Variants in PTCD1 observed in about 807,000 individuals in gnomAD.
PTCD1 encodes the protein pentatricopeptide repeat domain 1.
In PTCD1, 50 loss-of-function variants were observed where a neutral mutation model predicts 53.4. The ratio of observed to expected loss-of-function variants is 0.94; its 90% CI spans 0.75 to 1.19. The LOEUF (loss-of-function observed/expected upper bound fraction) is 1.19. Ranked by LOEUF, PTCD1 falls within the 50% of genes most tolerant of loss-of-function variation. The probability of loss-of-function intolerance (pLI) is 0.00; values close to 1 mark genes in which losing one functional copy is unlikely to be tolerated. For synonymous variants in PTCD1, 413 were observed against 394.8 expected, an observed-to-expected ratio of 1.05 and a Z score of -0.55; for missense variants, 918 against 904.8, an observed-to-expected ratio of 1.01 and a Z score of -0.19.
At chr7:99,432,635 G>C (rs979372162) in intron 3 of PTCD1, among the ~76,000 whole-genome samples, 1 of 152,202 alleles carries the variant, frequency 6.6e-6, no homozygotes, top group African/African-American at 2.4e-5. Flanking sequence ...GGGATGCTGA[G>C]CGTATGCTGA....
At chr7:99,436,483 C>A (rs555649992) in intron 1 of PTCD1, among the ~76,000 whole-genome samples, 2 of 152,228 alleles carry the variant, frequency 1.3e-5, no homozygotes, top group South Asian at 2.1e-4. Flanking sequence ...GGCGTGACAG[C>A]GTGCCCCTGT....
intron 1 of PTCD1, among the ~76,000 whole-genome samples, chr7:99,437,129 G>T (rs1198481190): frequency 6.6e-6 from 1 of 152,224 alleles, no homozygotes; most frequent in South Asian, 2.1e-4. Flanking sequence ...GCCTCCCAAA[G>T]TGTTGGGATT....
At chr7:99,428,990 G>T in intron 5 of PTCD1, 113 bp downstream of exon 5, 1 of 1,289,186 alleles carries the variant, frequency 7.8e-7, no homozygotes, top group Non-Finnish European at 1.1e-6. Flanking sequence ...TCAGAAAAGA[G>T]CACAGATATA....
chr7:99,434,777 A>G lies in PTCD1; in HGVS notation c.453+13T>C. The G allele has an allele frequency of 6.2e-7, 1 of 1,613,676 alleles. No individual in the cohort carries two copies. The highest frequency in any genetic ancestry group is 8.5e-7 in the Non-Finnish European group (1 of 1,179,986). On this transcript the variant is annotated intron_variant, in intron 2 of 7. Coordinates refer to ENST00000292478, the MANE Select transcript of PTCD1 (RefSeq NM_015545.4). ...AAGAAGCCAGGAGCCACAGAACCCA[A>G]AGTGCCCCTTACCTTCCCTTCCTTG...
chr7:99,425,286 T>A lies in PTCD1; in HGVS notation c.1246A>T (p.Thr416Ser). The A allele has an allele frequency of 6.2e-7, 1 of 1,614,054 alleles. No homozygotes were observed. Among genetic ancestry groups the A allele is most frequent in the Non-Finnish European group, 8.5e-7 (1 of 1,179,968 alleles). Reference protein sequence around the residue: ...VPGKAQPEVDTKAEPSHTAAL... With the variant: ...VPGKAQPEVDSKAEPSHTAAL... Reference sequence around the variant, plus strand: ...GCTGTGTGGCTGGGCTCTGCCTTAGTATCCACCTCTGGTTGGGCCTTGCCG... The same window carrying A: ...GCTGTGTGGCTGGGCTCTGCCTTAGAATCCACCTCTGGTTGGGCCTTGCCG... Residue 416 changes from threonine to serine, a missense_variant, in exon 6 of 8, where the codon ACT becomes TCT. Transcript: ENST00000292478.
chr7:99,438,752 A>C lies in PTCD1; in HGVS notation c.-87T>G. 7.5e-7 allele frequency: 1 copy of C among 1,325,906 alleles called. No homozygotes were observed. The allele number at this position is 1,325,906 out of a possible 1,614,324, so 82.1% of individuals were successfully genotyped here. ...CCCTGCCCGGTCCCCGCGGCGAACC[A>C]GTCTCTTCCTCGGGTCCCCCTCTCC... On this transcript the variant is annotated 5_prime_UTR_variant, in exon 1 of 8. Transcript: ENST00000292478.
chr7:99,432,841 G>A (rs1796315336), intron 3 of PTCD1: 1 of 246,706 alleles, frequency 4.1e-6, no homozygotes. Context: ...GGATGGCCAG[G>A]GGTTAGAGAC....
chr7:99,425,530 T>C lies in PTCD1; in HGVS notation c.1002A>G (p.Leu334=), dbSNP rs2150950391. 6.2e-7 allele frequency: 1 copy of C among 1,612,570 alleles called. No individual in the cohort carries two copies. The highest frequency in any genetic ancestry group is 2.2e-5 in the East Asian group (1 of 44,856). The change falls in exon 6 of 8, where the codon CTA becomes CTG. Residue 334 remains leucine (L), a synonymous_variant. Transcript: ENST00000292478. ...GCTCTGAGGCCACCTGGGGGTCCCC[T>C]AGGCCACAGTCCCGAGCTGCCACCA... ...LLLVAARDCG[L]GDPQVASELL...
At position 99,417,868 on chromosome 7, in the gene PTCD1, C is replaced by T. The variant is rs1795593123; in HGVS notation, c.*2099G>A. ...TCACTTAGGAAATGGTGGTGGGGAGCCCTAATCCCAAGGTGGTGGCAGGGT... is the reference window on the plus strand; with the variant it reads ...TCACTTAGGAAATGGTGGTGGGGAGTCCTAATCCCAAGGTGGTGGCAGGGT... On this transcript the variant is annotated 3_prime_UTR_variant, in exon 8 of 8. Coordinates refer to ENST00000292478, the MANE Select transcript of PTCD1 (RefSeq NM_015545.4). 7.2e-7 allele frequency: 1 copy of T among 1,388,062 alleles called. No individual in the cohort carries two copies. The allele number at this position is 1,388,062 out of a possible 1,614,324, so 86.0% of individuals were successfully genotyped here.
Position 99,429,093 on chromosome 7 carries a change from A to C in PTCD1, c.915+10T>G, listed in dbSNP as rs1278406346. ...AAGCAGGGCAGGAAGGTGGGGTGGG[A>C]GGGACATACCTGGAGGGCGTACCGG... On this transcript the variant is annotated intron_variant, in intron 5 of 7. Coordinates refer to ENST00000292478, the MANE Select transcript of PTCD1 (RefSeq NM_015545.4). The C allele has an allele frequency of 3.7e-6, 6 of 1,614,018 alleles. No individual in the cohort carries two copies. Among genetic ancestry groups the C allele is most frequent in the Non-Finnish European group, 5.1e-6 (6 of 1,179,944 alleles).
chr7:99,420,163 AGT>A lies in PTCD1; in HGVS notation c.1921-16_1921-15del. On this transcript the variant is annotated splice_polypyrimidine_tract_variant and intron_variant, in intron 7 of 7. Coordinates refer to ENST00000292478, the MANE Select transcript of PTCD1 (RefSeq NM_015545.4). ...CTTCCCTTGGTACTAGAATTAGAAA[AGT>A]GAGGCTAGAATCACTCCTGTTACCT... 1 of 1,614,042 alleles carries A rather than the reference AGT, an allele frequency of 6.2e-7. No homozygotes were observed. The highest frequency in any genetic ancestry group is 1.3e-5 in the African/African-American group (1 of 75,052).
Position 99,435,164 on chromosome 7 carries a change from AGGG to A in PTCD1, c.76_78del (p.Pro26del). On this transcript the variant is annotated inframe_deletion, in exon 2 of 8. Coordinates refer to ENST00000292478, the MANE Select transcript of PTCD1 (RefSeq NM_015545.4). Reference sequence around the variant, plus strand: ...CTGCCTCCTGCCCACCTGGCTCTACAGGGGTCCAGGTGTTGCAGGATGAACAGT... The same window carrying A: ...CTGCCTCCTGCCCACCTGGCTCTACAGTCCAGGTGTTGCAGGATGAACAGT... 6.2e-7 allele frequency: 1 copy of A among 1,603,318 alleles called. No homozygotes were observed. Among genetic ancestry groups the A allele is most frequent in the Non-Finnish European group, 8.5e-7 (1 of 1,177,358 alleles).
chr7:99,432,994 A>AGCTATG, intron 3 of PTCD1: 1 of 507,246 alleles, frequency 2.0e-6, no homozygotes, highest in Non-Finnish European at 3.6e-6. Context: ...GGCTGCAGTG[A>AGCTATG]GCTATGACTG....
intron 5 of PTCD1, among the ~76,000 whole-genome samples, chr7:99,425,869 C>T (rs954354425): frequency 6.6e-6 from 1 of 152,186 alleles, no homozygotes; most frequent in African/African-American, 2.4e-5. Flanking sequence ...GAGTTCGAGA[C>T]CAGCCCGACC....
At chr7:99,420,222 A>G in intron 7 of PTCD1, 73 bp from the exon 8 acceptor site, 1 of 1,604,336 alleles carries the variant, frequency 6.2e-7, no homozygotes. Flanking sequence ...CAGCTGGCTC[A>G]GGCCTCAGGG....
Position 99,435,002 on chromosome 7 carries a change from C to T in PTCD1, c.241G>A (p.Glu81Lys). The change falls in exon 2 of 8, where the codon GAA becomes AAA. Residue 81 changes from glutamate to lysine, a missense_variant. Transcript: ENST00000292478. Reference protein sequence around the residue: ...SHSNSTATQEEDEEEEESFGT... With the variant: ...SHSNSTATQEKDEEEEESFGT... The stretch of plus-strand genomic sequence containing the variant: ...AAACTCTCCTCCTCCTCCTCGTCTT[C>T]TTCCTGCGTGGCCGTGGAGTTGGAG... The T allele has an allele frequency of 2.5e-6, 4 of 1,614,210 alleles. No homozygotes were observed. Among genetic ancestry groups the T allele is most frequent in the Non-Finnish European group, 3.4e-6 (4 of 1,180,020 alleles).
At chr7:99,437,734 G>C (rs920253785) in intron 1 of PTCD1, among the ~76,000 whole-genome samples, 5 of 152,074 alleles carry the variant, frequency 3.3e-5, no homozygotes, top group Middle Eastern at 3.4e-3. Context: ...GTACAATCTC[G>C]GCTCAATGCA....
At chr7:99,437,921 T>G (rs925402288) in intron 1 of PTCD1, among the ~76,000 whole-genome samples, 1 of 151,606 alleles carries the variant, frequency 6.6e-6, no homozygotes, top group African/African-American at 2.4e-5. Flanking sequence ...CGCCTCAGAC[T>G]CCCAAAGTGC....
chr7:99,420,968 A>C (rs1345526317), intron 7 of PTCD1, among the ~76,000 whole-genome samples: 3 of 151,952 alleles, frequency 2.0e-5, no homozygotes, highest in Non-Finnish European at 2.9e-5. Context: ...AAAACAAAAA[A>C]AGGTTTGACT....
Sources: allele counts gnomAD v4.1 joint callset (sites outside exome capture counted in the v4.1 genomes callset), GRCh38; gene constraint gnomAD v4.1.1; transcripts MANE v1.5; gene names NCBI Gene and HGNC (gene_info 2026-07-23, HGNC 2026-07-21).